Variants in LHFPL2 observed in about 807,000 individuals in gnomAD.
LHFPL2 encodes the protein LHFPL tetraspan subfamily member 2 protein.
Under a neutral mutation model 17.5 loss-of-function variants are expected in LHFPL2, and 7 were observed. The observed-to-expected ratio is 0.40, with a 90% confidence interval of 0.23 to 0.75. The LOEUF is 0.75. Ranked by LOEUF, LHFPL2 falls within the 30% of genes least tolerant of loss-of-function variation. The pLI is 0.37. For missense variants in LHFPL2, 241 were observed against 294.8 expected (o/e 0.82, Z 1.34); for synonymous variants, 134 against 116.2 (o/e 1.15, Z -0.99).
intron 3 of LHFPL2, among the ~76,000 whole-genome samples, chr5:78,524,179 G>T (rs999387275): frequency 2.0e-5 from 3 of 152,128 alleles, no homozygotes. Context: ...GAAAACCCGG[G>T]CCTTGCTCAC....
chr5:78,564,666 G>C (rs1276912659), intron 3 of LHFPL2, 147 bp downstream of exon 3: 1 of 152,204 alleles, frequency 6.6e-6, no homozygotes, highest in Non-Finnish European at 1.5e-5. Context: ...TGATCCAAGT[G>C]ATGTTTCTAG....
intron 2 of LHFPL2, among the ~76,000 whole-genome samples, chr5:78,592,670 TACACACACAC>T (rs371054360): frequency 3.6e-5 from 2 of 55,900 alleles, no homozygotes; most frequent in Non-Finnish European, 8.8e-5. Context: ...AAAATTCAGA[TACACACACAC>T]ACACACACAC....
chr5:78,558,538 TGCTATGTGGCCCAG>T (rs1287869445), intron 3 of LHFPL2, among the ~76,000 whole-genome samples: 2 of 152,148 alleles, frequency 1.3e-5, no homozygotes, highest in Non-Finnish European at 2.9e-5. Flanking sequence ...AGACAGGTCT[TGCTATGTGGCCCAG>T]GCTGGTCTCA....
rs761993604 is a variant in LHFPL2 at position 78,510,215 on chromosome 5, T to A, written c.-2A>T. On this transcript the variant is annotated 5_prime_UTR_variant, in exon 4 of 5. Coordinates refer to ENST00000380345, the MANE Select transcript of LHFPL2 (RefSeq NM_005779.3). ...ACAGGTGACAATGACATGACACATA[T>A]TGATGTTCCGGGCGAAGAAAGAGTC... The A allele has an allele frequency of 2.5e-6, 4 of 1,578,068 alleles. No homozygotes were observed. The highest frequency in any genetic ancestry group is 3.5e-6 in the Non-Finnish European group (4 of 1,158,934).
chr5:78,564,995 C>T (rs1756821432), intron 2 of LHFPL2, 124 bp from the exon 3 acceptor site: 1 of 152,192 alleles, frequency 6.6e-6, no homozygotes, highest in Non-Finnish European at 1.5e-5. Context: ...CCAGGCAGCA[C>T]ACAGCTCAAC....
intron 2 of LHFPL2, among the ~76,000 whole-genome samples, chr5:78,580,868 T>C (rs538823337): frequency 2.0e-5 from 3 of 152,280 alleles, no homozygotes; most frequent in East Asian, 1.9e-4. Context: ...AAGTAGTTTT[T>C]TCCAATTCTG....
chr5:78,570,651 T>TATAC (rs1554056175), intron 2 of LHFPL2, among the ~76,000 whole-genome samples: 42 of 139,128 alleles, frequency 3.0e-4, no homozygotes, highest in African/African-American at 1.2e-3. Flanking sequence ...TATATATACG[T>TATAC]ATATATATAT....
At chr5:78,647,220 C>T (rs1327216072) in intron 1 of LHFPL2, among the ~76,000 whole-genome samples, 2 of 152,250 alleles carry the variant, frequency 1.3e-5, no homozygotes, top group East Asian at 3.9e-4. Context: ...CCTCTTCCCG[C>T]GAACATGTGT....
chr5:78,586,530 C>T (rs565467123), intron 2 of LHFPL2, among the ~76,000 whole-genome samples: 1 of 152,308 alleles, frequency 6.6e-6, no homozygotes, highest in South Asian at 2.1e-4. Context: ...GCTTCCTCTG[C>T]CCTTTGTCTC....
rs2112274090 is a variant in LHFPL2 at position 78,485,294 on chromosome 5, A to G, written c.*3603T>C. The G allele has an allele frequency of 6.5e-6, 1 of 152,702 alleles. No homozygotes were observed. Among genetic ancestry groups the G allele is most frequent in the Non-Finnish European group, 1.5e-5 (1 of 68,024 alleles). The allele number at this position is 152,702 out of a possible 1,614,324, so 9.5% of individuals were successfully genotyped here. A position where few individuals can be genotyped will look rare whatever the true frequency, so the allele number is the denominator to read the frequency against. On this transcript the variant is annotated 3_prime_UTR_variant, in exon 5 of 5. Coordinates refer to ENST00000380345, the MANE Select transcript of LHFPL2 (RefSeq NM_005779.3). ...GAGCACATAGTGAAAATACATATGC[A>G]CAGGAACCAAATCAATGCTAGACAA...
intron 3 of LHFPL2, among the ~76,000 whole-genome samples, chr5:78,539,512 A>T (rs573297435): frequency 6.6e-6 from 1 of 152,284 alleles, no homozygotes; most frequent in East Asian, 1.9e-4. Context: ...GGTATATCGT[A>T]TGCACTCAGT....
chr5:78,598,933 T>C (rs1420448613), intron 2 of LHFPL2, among the ~76,000 whole-genome samples: 1 of 152,228 alleles, frequency 6.6e-6, no homozygotes, highest in Non-Finnish European at 1.5e-5. Flanking sequence ...GAAGCATTAT[T>C]ATACCTGTAC....
chr5:78,507,095 C>T (rs920443538), intron 4 of LHFPL2, among the ~76,000 whole-genome samples: 1 of 152,062 alleles, frequency 6.6e-6, no homozygotes, highest in African/African-American at 2.4e-5. Context: ...CTTTGGGAGG[C>T]GGAGGCAGGT....
intron 3 of LHFPL2, among the ~76,000 whole-genome samples, chr5:78,548,534 G>C (rs1756351338): frequency 6.6e-6 from 1 of 152,206 alleles, no homozygotes; most frequent in Non-Finnish European, 1.5e-5. Context: ...CCCACAGCTG[G>C]TCAGCAAACA....
At chr5:78,570,342 G>A (rs145923220) in intron 2 of LHFPL2, among the ~76,000 whole-genome samples, 128 of 152,330 alleles carry the variant, frequency 8.4e-4, no homozygotes, top group Non-Finnish European at 1.4e-3. Context: ...ATTCCGGCAT[G>A]AGAAGAAAGC....
At chr5:78,514,507 T>A (rs560685675) in intron 3 of LHFPL2, among the ~76,000 whole-genome samples, 2 of 151,992 alleles carry the variant, frequency 1.3e-5, no homozygotes, top group East Asian at 3.9e-4. Context: ...AAAGGTAGAG[T>A]GAAGGTCCTC....
At chr5:78,535,756 C>T (rs1444367310) in intron 3 of LHFPL2, among the ~76,000 whole-genome samples, 1 of 152,142 alleles carries the variant, frequency 6.6e-6, no homozygotes, top group Non-Finnish European at 1.5e-5. Context: ...AGCTTCCTTA[C>T]GGCAGGGGGA....
intron 2 of LHFPL2, among the ~76,000 whole-genome samples, chr5:78,616,189 G>A (rs567839551): frequency 3.3e-5 from 5 of 151,970 alleles, no homozygotes; most frequent in East Asian, 3.9e-4. Context: ...GTGCAGTGGC[G>A]CAATCTCGGC....
intron 2 of LHFPL2, among the ~76,000 whole-genome samples, chr5:78,599,852 A>G (rs141096133): frequency 6.6e-6 from 1 of 152,186 alleles, no homozygotes; most frequent in African/African-American, 2.4e-5. Flanking sequence ...TTTTCAAACT[A>G]TTCCCCAAAT....
Sources: gnomAD v4.1 joint callset for allele counts (sites outside exome capture counted in the v4.1 genomes callset) on GRCh38, gnomAD v4.1.1 for gene constraint, MANE v1.5 for transcripts, NCBI Gene and HGNC (gene_info 2026-07-23, HGNC 2026-07-21) for gene names.